CMTR1: variants seen among roughly 807,000 people sequenced by gnomAD.
CMTR1 encodes cap-specific mRNA (nucleoside-2'-O-)-methyltransferase 1.
A neutral mutation model predicts 107.0 loss-of-function variants in CMTR1; 39 were observed. That is an observed-to-expected ratio of 0.36 (90% CI 0.28 to 0.48). The LOEUF (loss-of-function observed/expected upper bound fraction) is 0.48. Among genes scored for constraint, CMTR1 ranks in the 20% least tolerant of loss-of-function variants. The pLI, the probability that CMTR1 is intolerant of heterozygous loss-of-function variation, is 0.99. For synonymous variants in CMTR1, 366 were observed against 379.5 expected, an observed-to-expected ratio of 0.96 and a Z score of 0.41; for missense variants, 672 against 1,064.9, an observed-to-expected ratio of 0.63 and a Z score of 5.14.
chr6:37,432,125 G>A (rs531026315), upstream of CMTR1, among the ~76,000 whole-genome samples: 4 of 152,176 alleles, frequency 2.6e-5, no homozygotes, highest in Admixed American at 1.3e-4. Context: ...GCGGAGACAC[G>A]GCATATTTGA....
In CMTR1 at chr6:37,480,028, C is replaced by G; in HGVS notation, c.2391C>G (p.Gly797=). 3.8e-6 allele frequency: 6 copies of G among 1,578,882 alleles called. No homozygotes were observed. The highest frequency in any genetic ancestry group is 4.3e-6 in the Non-Finnish European group (5 of 1,166,710). Residue 797 remains glycine (G), a synonymous_variant, in exon 24 of 24, where the codon GGC becomes GGG. Coordinates refer to ENST00000373451, the MANE Select transcript of CMTR1 (RefSeq NM_015050.3). ...TCCTCCCCAGCATTTGCTACTATGG[C>G]CGGCTCTTCTGGGAGTGGGGGGATG... is the stretch of plus-strand genomic sequence containing the variant. ...SIAPFHICYY[G]RLFWEWGDGI... is the part of the protein sequence containing the mutation.
upstream of CMTR1, among the ~76,000 whole-genome samples, chr6:37,428,551 G>A (rs769576739): frequency 6.6e-6 from 1 of 151,948 alleles, no homozygotes; most frequent in African/African-American, 2.4e-5. Flanking sequence ...TCCACCTCCC[G>A]GATTCAAGCG....
At chr6:37,452,641 C>A (rs1433276877) in intron 6 of CMTR1, among the ~76,000 whole-genome samples, 2 of 152,128 alleles carry the variant, frequency 1.3e-5, no homozygotes, top group Non-Finnish European at 2.9e-5. Context: ...AAACCCTAGT[C>A]TTGTTTATTT....
At position 37,481,216 on chromosome 6, in the gene CMTR1, T is replaced by G; in HGVS notation, c.*1071T>G. The stretch of plus-strand genomic sequence containing the variant: ...AGAGGAGGGGGAGCTGGGCAGTAGC[T>G]TGGGGTGGGGGTGGGCACCTGTGGT... On this transcript the variant is annotated 3_prime_UTR_variant, in exon 24 of 24. Coordinates refer to ENST00000373451, the MANE Select transcript of CMTR1 (RefSeq NM_015050.3). 4.6e-6 allele frequency: 6 copies of G among 1,298,296 alleles called. No individual in the cohort carries two copies. The allele number at this position is 1,298,296 out of a possible 1,614,324, so 80.4% of individuals were successfully genotyped here.
chr6:37,456,358 C>T (rs913771652), intron 8 of CMTR1, among the ~76,000 whole-genome samples: 17 of 152,142 alleles, frequency 1.1e-4, no homozygotes, highest in African/African-American at 3.1e-4. Flanking sequence ...AATGCTGGGG[C>T]GGCTTAGTAA....
At chr6:37,459,777 C>T in intron 10 of CMTR1, 93 bp downstream of exon 10, 1 of 869,584 alleles carries the variant, frequency 1.1e-6, no homozygotes, top group Admixed American at 1.7e-5. Flanking sequence ...TTTAGCTGCT[C>T]CCAAAGATGG....
chr6:37,446,878 C>T (rs1164414033), intron 4 of CMTR1, among the ~76,000 whole-genome samples: 4 of 152,158 alleles, frequency 2.6e-5, no homozygotes, highest in Admixed American at 2.6e-4. Flanking sequence ...TTGTACTTCC[C>T]CAGGTTTGTG....
the CMTR1 span, among the ~76,000 whole-genome samples, chr6:37,424,503 T>C: frequency 6.6e-6 from 1 of 152,036 alleles, no homozygotes; most frequent in Admixed American, 6.6e-5. Flanking sequence ...CACCTCGGCC[T>C]CCCAAAGTGC....
intron 13 of CMTR1, 125 bp from the exon 14 acceptor site, chr6:37,470,896 T>C: frequency 1.5e-6 from 1 of 682,710 alleles, no homozygotes; most frequent in South Asian, 2.3e-5. Flanking sequence ...TGGGTTTCTT[T>C]CTCAACTCTC....
Position 37,464,271 on chromosome 6 carries a change from C to T in CMTR1, c.1505+1263C>T, listed in dbSNP as rs190611910. 6.7e-3 allele frequency among the ~76,000 whole-genome samples: 1,023 copies of T among 152,088 alleles called. 53 individuals carry two copies. Among genetic ancestry groups the T allele is most frequent in the Admixed American group, 0.064 (974 of 15,276 alleles). Reference sequence around the variant, plus strand: ...ACGAGATCCGGAGATCGAGACCATCCTGGCTAACACGGTGAAACCCCATCT... The same window carrying T: ...ACGAGATCCGGAGATCGAGACCATCTTGGCTAACACGGTGAAACCCCATCT... On this transcript the variant is annotated intron_variant, in intron 13 of 23. Transcript: ENST00000373451.
chr6:37,474,478 T>C (rs963042739), intron 17 of CMTR1, 46 bp from the exon 18 acceptor site: 4 of 1,608,602 alleles, frequency 2.5e-6, no homozygotes, highest in Non-Finnish European at 3.4e-6. Flanking sequence ...CTCTTATCCC[T>C]CGATCTCCAT....
rs747661435 is a variant in CMTR1 at position 37,474,517 on chromosome 6, C to A, written c.1822-7C>A. 4 of 1,576,982 alleles carry A rather than the reference C, an allele frequency of 2.5e-6. No homozygotes were observed. In the African/African-American group the frequency reaches 6.2e-5, roughly 24 times the overall value. On this transcript the variant is annotated splice_polypyrimidine_tract_variant and splice_region_variant and intron_variant, in intron 17 of 23. Coordinates refer to ENST00000373451, the MANE Select transcript of CMTR1 (RefSeq NM_015050.3). ...TTCCTTACCTGGCTGTTTCTCTCTG[C>A]CTGTAGAAATCCCAGATCTACACAT...
rs1259505554 is a variant in CMTR1, at chr6:37,453,308, A to T, written c.773A>T (p.Tyr258Phe). 2.5e-6 allele frequency: 4 copies of T among 1,613,906 alleles called. No individual in the cohort carries two copies. The East Asian group carries it at 8.9e-5, about 36-fold the overall frequency. ...ATGTTCACAAATCCGCGGGACTCTT[A>T]TGGGGTGAGAACAAGATTCTGCTTC... ...DRMFTNPRDS[Y>F]GKPLVKDREA... The change falls in exon 8 of 24, where the codon TAT becomes TTT. Residue 258 changes from tyrosine to phenylalanine, a missense_variant. Tyr to Phe is a conservative substitution (Grantham distance 22). This residue lies in a region of CMTR1 where 583 missense variants were observed against 968.4 expected (regional missense o/e 0.60). Coordinates refer to ENST00000373451, the MANE Select transcript of CMTR1 (RefSeq NM_015050.3).
At position 37,472,023 on chromosome 6, in the gene CMTR1, C is replaced by CA; in HGVS notation, c.1620+120dup. ...TGCATCCAAAAATATCTGCTACCCT[C>CA]ACAGCATCCCAGAGGTTGACATCTC... On this transcript the variant is annotated intron_variant, in intron 15 of 23. Coordinates refer to ENST00000373451, the MANE Select transcript of CMTR1 (RefSeq NM_015050.3). The surrounding 1 kb of genome is among the most constrained non-coding windows in gnomAD (Gnocchi z 4.1). 2.3e-6 allele frequency: 2 copies of CA among 853,214 alleles called. No homozygotes were observed. The highest frequency in any genetic ancestry group is 3.6e-6 in the Non-Finnish European group (2 of 548,692). The allele number at this position is 853,214 out of a possible 1,614,324, so 52.9% of individuals were successfully genotyped here. A position where few individuals can be genotyped will look rare whatever the true frequency, so the allele number is the denominator to read the frequency against.
chr6:37,477,389 G>A (rs1204061880), intron 20 of CMTR1, among the ~76,000 whole-genome samples: 1 of 152,180 alleles, frequency 6.6e-6, no homozygotes, highest in African/African-American at 2.4e-5. Context: ...GGAGGTGCTT[G>A]GCAGCTCTGA....
At chr6:37,466,112 T>C (rs899998063) in intron 13 of CMTR1, among the ~76,000 whole-genome samples, 1 of 125,854 alleles carries the variant, frequency 7.9e-6, no homozygotes, top group Admixed American at 7.4e-5. Flanking sequence ...TTTACAGTTT[T>C]TGTTTTTTTT....
the CMTR1 span, among the ~76,000 whole-genome samples, chr6:37,424,526 T>G: frequency 6.6e-6 from 1 of 151,870 alleles, no homozygotes; most frequent in Non-Finnish European, 1.5e-5. Context: ...GGATTACAGG[T>G]GTGAGCCACC....
chr6:37,438,944 G>A (rs1010116447), intron 2 of CMTR1, among the ~76,000 whole-genome samples: 5 of 152,132 alleles, frequency 3.3e-5, no homozygotes, highest in African/African-American at 1.2e-4. Context: ...TGAACATAAT[G>A]TTCAGGTAGA....
chr6:37,434,356 C>A (rs553589767), intron 1 of CMTR1, among the ~76,000 whole-genome samples: 2 of 152,240 alleles, frequency 1.3e-5, no homozygotes, highest in South Asian at 4.1e-4. Context: ...TCAATACTTT[C>A]TTGCTGTACC....
Sources: gnomAD v4.1 joint callset for allele counts (sites outside exome capture counted in the v4.1 genomes callset) on GRCh38, gnomAD v4.1.1 for gene constraint, gnomAD v4.1.1 regional missense constraint, Gnocchi (gnomAD v3.1) non-coding constraint, MANE v1.5 for transcripts, NCBI Gene and HGNC (gene_info 2026-07-23, HGNC 2026-07-21) for gene names.